The following NCAN variants were observed in gnomAD, a reference collection of about 807,000 sequenced individuals.
The protein encoded by NCAN is neurocan.
In NCAN, 47 loss-of-function variants were observed where a neutral mutation model predicts 121.8. The observed-to-expected ratio is 0.39, with a 90% CI of 0.31 to 0.49. The LOEUF is 0.49. Ranked by LOEUF, NCAN falls within the 20% of genes least tolerant of loss-of-function variation. The probability of loss-of-function intolerance (pLI) is 0.92; values close to 1 mark genes in which losing one functional copy is unlikely to be tolerated. For synonymous variants in NCAN, 633 were observed against 702.0 expected (o/e 0.90, Z 1.55); for missense variants, 1,517 against 1,773.4 (o/e 0.86, Z 2.60).
chr19:19,242,903 G>A (rs200918713), intron 12 of NCAN, among the ~76,000 whole-genome samples: 2 of 152,232 alleles, frequency 1.3e-5, no homozygotes, highest in East Asian at 3.9e-4. Flanking sequence ...TGGAGGCCAA[G>A]GTGGGTGGAT....
rs148242186 is a variant in NCAN at position 19,215,830 on chromosome 19, A to G, written c.-7-1117A>G. 5.4e-3 allele frequency among the ~76,000 whole-genome samples: 825 copies of G among 152,338 alleles called. 7 individuals carry two copies. The highest frequency in any genetic ancestry group is 0.019 in the African/African-American group (773 of 41,568). On this transcript the variant is annotated intron_variant, in intron 1 of 14. Transcript: ENST00000252575. ...AGACTGCTGCCCTCTAGGAGCCGCC[A>G]GTCTGATGGAGGAGGCTGACTTGAA...
rs1355518020 is a variant in NCAN at position 19,240,771 on chromosome 19, T to C, written c.3492+86T>C. ...CAGTTTACCCTTTTGTGCAAAGTTA[T>C]CGCAATTGGGTGTCAGAGGTCTCTA... On this transcript the variant is annotated intron_variant, in intron 12 of 14. Coordinates refer to ENST00000252575, the MANE Select transcript of NCAN (RefSeq NM_004386.3). 3.7e-6 allele frequency: 5 copies of C among 1,364,112 alleles called. No individual in the cohort carries two copies. The Admixed American group carries it at 5.2e-5, about 14-fold the overall frequency. 84.5% of individuals were successfully genotyped at this position (1,364,112 alleles called of 1,614,324 possible).
Position 19,219,286 on chromosome 19 carries a change from G to A in NCAN, c.445G>A (p.Glu149Lys). 1 of 1,574,218 alleles carries A rather than the reference G, an allele frequency of 6.4e-7. No individual in the cohort carries two copies. The highest frequency in any genetic ancestry group is 8.6e-7 in the Non-Finnish European group (1 of 1,165,050). ...RCQVVRGIED[E>K]QDLVPLEVTG... ...CCAGGTGGTGAGGGGCATCGAGGAT[G>A]AGCAGGACCTGGTGCCCTTGGAGGT... Residue 149 changes from glutamate (E) to lysine (K), a missense_variant, in exon 3 of 15, where the codon GAG becomes AAG. Coordinates refer to ENST00000252575, the MANE Select transcript of NCAN (RefSeq NM_004386.3).
At position 19,227,862 on chromosome 19, in the gene NCAN, A is replaced by G. The variant is rs770146010; in HGVS notation, c.2242A>G (p.Thr748Ala). The G allele has an allele frequency of 1.2e-6, 2 of 1,613,720 alleles. No individual in the cohort carries two copies. Among genetic ancestry groups the G allele is most frequent in the African/African-American group, 1.3e-5 (1 of 75,052 alleles). The change falls in exon 8 of 15, where the codon ACG becomes GCG. Residue 748 changes from threonine to alanine, a missense_variant. Physicochemically the swap from Thr to Ala is moderately conservative, Grantham distance 58. Transcript: ENST00000252575. This position sits in a 1 kb window ranked among gnomAD's most constrained non-coding sequence, Gnocchi z 4.2. Reference sequence around the variant, plus strand: ...CCCCACTGAGACTGCCACTGAGCCAACGGGCCTCAGGGGTATCCCGGGGTC... The same window carrying G: ...CCCCACTGAGACTGCCACTGAGCCAGCGGGCCTCAGGGGTATCCCGGGGTC... ...FVPTETATEP[T>A]GLRGIPGSES...
In NCAN at chr19:19,224,965, C is replaced by A; in HGVS notation, c.779-12C>A. The A allele has an allele frequency of 7.0e-7, 1 of 1,421,956 alleles. No individual in the cohort carries two copies. The highest frequency in any genetic ancestry group is 2.8e-5 in the East Asian group (1 of 35,552). The allele number at this position is 1,421,956 out of a possible 1,614,324, so 88.1% of individuals were successfully genotyped here. A position where few individuals can be genotyped will look rare whatever the true frequency, so the allele number is the denominator to read the frequency against. Reference sequence around the variant, plus strand: ...CCCCAGCCCCCCTGACCTCCACCCGCCCCTCCCGCAGGCGAGGTCTTCTAC... The same window carrying A: ...CCCCAGCCCCCCTGACCTCCACCCGACCCTCCCGCAGGCGAGGTCTTCTAC... On this transcript the variant is annotated splice_polypyrimidine_tract_variant and intron_variant, in intron 5 of 14. Transcript: ENST00000252575.
At chr19:19,241,576 G>A (rs1265941669) in intron 12 of NCAN, among the ~76,000 whole-genome samples, 1 of 151,960 alleles carries the variant, frequency 6.6e-6, no homozygotes, top group African/African-American at 2.4e-5. Flanking sequence ...AGTGGTACGA[G>A]CCTGTAGTCT....
At chr19:19,216,651 A>G (rs562382258) in intron 1 of NCAN, among the ~76,000 whole-genome samples, 1 of 152,124 alleles carries the variant, frequency 6.6e-6, no homozygotes, top group African/African-American at 2.4e-5. Context: ...TATGTTGCCC[A>G]GGCTGGTCTC....
rs959620934 is a variant in NCAN, at chr19:19,225,381, A to C, written c.1072+111A>C. ...GAGACACATGGAAGCTCGCTTTGTG[A>C]TAAGCCACATCCCTGGGTGAGGGCC... On this transcript the variant is annotated intron_variant, in intron 6 of 14. Coordinates refer to ENST00000252575, the MANE Select transcript of NCAN (RefSeq NM_004386.3). This position sits in a 1 kb window ranked among gnomAD's most constrained non-coding sequence, Gnocchi z 4.0. The C allele has an allele frequency of 7.7e-7, 1 of 1,299,158 alleles. No homozygotes were observed. The highest frequency in any genetic ancestry group is 1.0e-6 in the Non-Finnish European group (1 of 994,884). The allele number at this position is 1,299,158 out of a possible 1,614,324, so 80.5% of individuals were successfully genotyped here.
chr19:19,225,009 C>A lies in NCAN; in HGVS notation c.811C>A (p.Leu271Met). The A allele has an allele frequency of 6.8e-7, 1 of 1,475,954 alleles. No homozygotes were observed. The highest frequency in any genetic ancestry group is 8.9e-7 in the Non-Finnish European group (1 of 1,121,674). 91.4% of individuals were successfully genotyped at this position (1,475,954 alleles called of 1,614,324 possible). ...CTTCTACGTGGGCCCGGCCCGCCGC[C>A]TGACACTGGCCGGCGCGCGTGCACA... ...EVFYVGPARR[L>M]TLAGARAQCR... Residue 271 changes from leucine (L) to methionine (M), a missense_variant, in exon 6 of 15, where the codon CTG becomes ATG. Physicochemically the swap from Leu to Met is conservative, Grantham distance 15. Transcript: ENST00000252575. This position sits in a 1 kb window ranked among gnomAD's most constrained non-coding sequence, Gnocchi z 4.0.
chr19:19,248,555 G>A (rs920993836), intron 13 of NCAN, 145 bp from the exon 14 acceptor site: 43 of 677,390 alleles, frequency 6.3e-5, no homozygotes, highest in Non-Finnish European at 1.0e-4. Flanking sequence ...AACCAGAGAG[G>A]CGGAGGTTGC....
chr19:19,240,564 A>T (rs1267359895), intron 11 of NCAN, 39 bp from the exon 12 acceptor site: 2 of 1,604,512 alleles, frequency 1.2e-6, no homozygotes, highest in South Asian at 2.2e-5. Flanking sequence ...CAGGAGAGGC[A>T]TGGGTGAACA....
In NCAN at chr19:19,240,734, G is replaced by A. The variant is rs371269322; in HGVS notation, c.3492+49G>A. The A allele has an allele frequency of 3.2e-5, 51 of 1,570,088 alleles. No individual in the cohort carries two copies. In the African/African-American group the frequency reaches 3.6e-4, roughly 11 times the overall value. ...TAGGCTGCTGAGCCACATCAGCCCT[G>A]CCATCTGGCCTCAGTTTACCCTTTT... On this transcript the variant is annotated intron_variant, in intron 12 of 14. Coordinates refer to ENST00000252575, the MANE Select transcript of NCAN (RefSeq NM_004386.3).
chr19:19,243,750 A>C (rs769173823), intron 12 of NCAN, among the ~76,000 whole-genome samples: 1 of 151,850 alleles, frequency 6.6e-6, no homozygotes, highest in East Asian at 2.0e-4. Context: ...AAAATTGGCC[A>C]GGTGCGGTGG....
In NCAN at chr19:19,228,032, C is replaced by T. The variant is rs755278774; in HGVS notation, c.2412C>T (p.Val804=). 5 of 1,613,528 alleles carry T rather than the reference C, an allele frequency of 3.1e-6. No individual in the cohort carries two copies. The highest frequency in any genetic ancestry group is 1.7e-5 in the Admixed American group (1 of 60,018). Residue 804 remains valine, a synonymous_variant, in exon 8 of 15, where the codon GTC becomes GTT. Coordinates refer to ENST00000252575, the MANE Select transcript of NCAN (RefSeq NM_004386.3). ...CTGCCCCCCTGGGGAGCCCTGGAGT[C>T]TTCTTGGTACCCAAAGTCACCCCAA... is the stretch of plus-strand genomic sequence containing the variant. ...SPSAPLGSPG[V]FLVPKVTPNL... is the part of the protein sequence containing the mutation.
chr19:19,212,870 C>T lies in NCAN; in HGVS notation c.-8+806C>T, dbSNP rs917152268. On this transcript the variant is annotated intron_variant, in intron 1 of 14. Transcript: ENST00000252575. This position sits in a 1 kb window ranked among gnomAD's most constrained non-coding sequence, Gnocchi z 4.5. ...AGGGGGGGCTGTCCCCCAGCACCTT[C>T]ACAGCCTCCCACGTCCTTACAGCAT... Among the ~76,000 whole-genome samples, 4 of 152,194 alleles carry T rather than the reference C, an allele frequency of 2.6e-5. No homozygotes were observed. The highest frequency in any genetic ancestry group is 7.2e-5 in the African/African-American group (3 of 41,444).
rs150818380 is a variant in NCAN at position 19,245,397 on chromosome 19, G to A, written c.3577G>A (p.Gly1193Arg). The change falls in exon 13 of 15, where the codon GGG (glycine) becomes AGG (arginine). Residue 1193 changes from glycine (G) to arginine (R), a missense_variant. Physicochemically the swap from Gly to Arg is moderately radical, Grantham distance 125. Coordinates refer to ENST00000252575, the MANE Select transcript of NCAN (RefSeq NM_004386.3). ...DCVVMVAHES[G>R]RWNDVPCNYN... ...TGTGGTGATGGTGGCGCATGAAAGC[G>A]GGCGCTGGAACGATGTCCCCTGCAA... The A allele has an allele frequency of 3.8e-5, 62 of 1,614,080 alleles. No individual in the cohort carries two copies. The highest frequency in any genetic ancestry group is 5.1e-5 in the Non-Finnish European group (60 of 1,180,040).
intron 13 of NCAN, among the ~76,000 whole-genome samples, chr19:19,245,738 G>A (rs1169310944): frequency 1.3e-5 from 2 of 151,880 alleles, no homozygotes; most frequent in Non-Finnish European, 2.9e-5. Flanking sequence ...TCAGCCTCTC[G>A]AAGTGCTGGG....
At chr19:19,213,523 A>C in intron 1 of NCAN, among the ~76,000 whole-genome samples, 1 of 129,052 alleles carries the variant, frequency 7.7e-6, no homozygotes, top group Admixed American at 7.7e-5. Flanking sequence ...GGGGGGCCCG[A>C]GACTGTGGGT....
rs1599803314 is a variant in NCAN at position 19,212,087 on chromosome 19, G to A, written c.-8+23G>A. On this transcript the variant is annotated intron_variant, in intron 1 of 14. Transcript: ENST00000252575. The surrounding 1 kb of genome is among the most constrained non-coding windows in gnomAD (Gnocchi z 4.5). ...CAGGTGGGGGATCCGTGAGGGGGCC[G>A]TGTTGCGGGAGAAGACTTCGGGATT... The A allele has an allele frequency of 5.3e-6, 1 of 189,750 alleles. No homozygotes were observed. Among genetic ancestry groups the A allele is most frequent in the Non-Finnish European group, 1.2e-5 (1 of 86,526 alleles). The allele number at this position is 189,750 out of a possible 1,614,324, so 11.8% of individuals were successfully genotyped here.
Sources: gnomAD v4.1 joint callset for allele counts (sites outside exome capture counted in the v4.1 genomes callset) on GRCh38, gnomAD v4.1.1 for gene constraint, Gnocchi (gnomAD v3.1) non-coding constraint, MANE v1.5 for transcripts, NCBI Gene and HGNC (gene_info 2026-07-23, HGNC 2026-07-21) for gene names.